The following PAM variants were observed in gnomAD, a reference collection of about 807,000 sequenced individuals.
PAM encodes peptidylglycine alpha-amidating monooxygenase.
A neutral mutation model predicts 122.1 loss-of-function variants in PAM; 72 were observed. The ratio of observed to expected loss-of-function variants is 0.59; its 90% confidence interval spans 0.49 to 0.72. The LOEUF is 0.72. PAM is among the 30% of genes least tolerant of loss of function. The pLI, the probability that PAM is intolerant of heterozygous loss-of-function variation, is 0.00. For missense variants in PAM, 1,106 were observed against 1,183.7 expected (o/e 0.93, Z 0.96); for synonymous variants, 389 against 404.4 (o/e 0.96, Z 0.46).
intron 14 of PAM, among the ~76,000 whole-genome samples, chr5:102,971,480 A>G (rs1352744797): frequency 1.3e-5 from 2 of 152,198 alleles, no homozygotes; most frequent in Non-Finnish European, 2.9e-5. Flanking sequence ...CCAGAGTGCT[A>G]TAGGTGCACC....
At chr5:102,969,026 G>A (rs548735362) in intron 14 of PAM, among the ~76,000 whole-genome samples, 1 of 152,214 alleles carries the variant, frequency 6.6e-6, no homozygotes, top group African/African-American at 2.4e-5. Context: ...CTCATAAGTG[G>A]GAGGTGAACA....
chr5:102,786,757 T>C (rs190059024), intron 1 of PAM, among the ~76,000 whole-genome samples: 2 of 152,280 alleles, frequency 1.3e-5, no homozygotes, highest in East Asian at 3.9e-4. Context: ...ACTTCATTCA[T>C]CATTCTGAGC....
chr5:102,799,634 C>T (rs1764190180), intron 1 of PAM, among the ~76,000 whole-genome samples: 1 of 152,180 alleles, frequency 6.6e-6, no homozygotes, highest in South Asian at 2.1e-4. Context: ...TGAACAAAAA[C>T]TGCCAGTTCC....
intron 1 of PAM, among the ~76,000 whole-genome samples, chr5:102,791,492 A>G (rs1464938960): frequency 4.6e-5 from 7 of 151,792 alleles, no homozygotes. Flanking sequence ...ACATGTGGTT[A>G]CTCTGTTGAT....
At chr5:102,845,487 G>A (rs1030823309) in intron 1 of PAM, among the ~76,000 whole-genome samples, 3 of 152,120 alleles carry the variant, frequency 2.0e-5, no homozygotes, top group Middle Eastern at 3.2e-3. Flanking sequence ...CTACATTCAT[G>A]TGTAAGGAAA....
chr5:102,855,549 T>G (rs1396762310), intron 1 of PAM, among the ~76,000 whole-genome samples: 4 of 152,182 alleles, frequency 2.6e-5, no homozygotes, highest in Non-Finnish European at 5.9e-5. Context: ...TCCTATAGAC[T>G]TTTAAAGAAA....
At chr5:102,755,388 T>A (rs1749803079) in intron 1 of PAM, 40 bp downstream of exon 1, 1 of 151,706 alleles carries the variant, frequency 6.6e-6, no homozygotes, top group South Asian at 2.1e-4. Context: ...TGCGAGGCGG[T>A]CAGGGCAAGG....
intron 1 of PAM, among the ~76,000 whole-genome samples, chr5:102,831,728 A>G (rs553289617): frequency 6.6e-6 from 1 of 152,168 alleles, no homozygotes; most frequent in East Asian, 1.9e-4. Flanking sequence ...AATGATGATT[A>G]CTCTGCCTCC....
intron 16 of PAM, among the ~76,000 whole-genome samples, chr5:102,995,294 G>A (rs1312147791): frequency 1.3e-5 from 2 of 152,004 alleles, no homozygotes; most frequent in East Asian, 3.9e-4. Flanking sequence ...TTCTCATATC[G>A]CAATTTCACA....
chr5:102,794,694 A>C (rs914817265), intron 1 of PAM, among the ~76,000 whole-genome samples: 1 of 152,348 alleles, frequency 6.6e-6, no homozygotes, highest in South Asian at 2.1e-4. Context: ...AGCTTAAAAA[A>C]TATAGAACAT....
chr5:102,892,162 C>T lies in PAM; in HGVS notation c.211-9194C>T, dbSNP rs974584921. Among the ~76,000 whole-genome samples the T allele has an allele frequency of 2.0e-5, 3 of 151,872 alleles. No individual in the cohort carries two copies. In the South Asian group the frequency reaches 6.2e-4, roughly 31 times the overall value. ...GGACCTTAAGGAAGAGACTTTCCCT[C>T]CCCTAGCCTTTGGAAATTGCATTGG... On this transcript the variant is annotated intron_variant, in intron 3 of 25. Transcript: ENST00000438793.
chr5:102,867,058 A>G (rs1785811993), intron 2 of PAM, among the ~76,000 whole-genome samples: 1 of 152,194 alleles, frequency 6.6e-6, no homozygotes, highest in Non-Finnish European at 1.5e-5. Context: ...TGCATTGGTT[A>G]TATTTTATTT....
intron 7 of PAM, among the ~76,000 whole-genome samples, chr5:102,938,017 C>A (rs563199862): frequency 2.8e-4 from 42 of 152,124 alleles, no homozygotes; most frequent in Non-Finnish European, 5.1e-4. Context: ...GCTTGATAAT[C>A]CCACTGATTT....
intron 1 of PAM, among the ~76,000 whole-genome samples, chr5:102,782,719 CTCTCTCTGTGTGTGTGTGTG>C (rs1325877983): frequency 1.4e-5 from 2 of 146,038 alleles, no homozygotes; most frequent in African/African-American, 2.7e-5. Context: ...CTCTCTCTCT[CTCTCTCTGTGTGTGTGTGTG>C]TGTGTGTGTG....
intron 6 of PAM, 73 bp downstream of exon 6, chr5:102,925,115 G>C (rs1748970667): frequency 7.4e-6 from 6 of 815,020 alleles, no homozygotes; most frequent in Non-Finnish European, 1.3e-5. Context: ...TTTCATTATA[G>C]TCCTTTCTAA....
At chr5:102,868,129 A>C (rs1299887071) in intron 3 of PAM, among the ~76,000 whole-genome samples, 2 of 152,186 alleles carry the variant, frequency 1.3e-5, no homozygotes, top group African/African-American at 4.8e-5. Context: ...CAGTGCAGGG[A>C]TTTATGTGTG....
At chr5:102,936,042 CAAA>C (rs1753140206) in intron 7 of PAM, among the ~76,000 whole-genome samples, 1 of 152,080 alleles carries the variant, frequency 6.6e-6, no homozygotes, top group African/African-American at 2.4e-5. Context: ...AAGAAATACT[CAAA>C]AATCTTTATT....
At chr5:102,762,327 A>G (rs1752578206) in intron 1 of PAM, among the ~76,000 whole-genome samples, 1 of 152,196 alleles carries the variant, frequency 6.6e-6, no homozygotes, top group Admixed American at 6.5e-5. Context: ...GTATTTCTGA[A>G]GATCAGAATT....
At chr5:102,954,461 G>T (rs1017013496) in intron 12 of PAM, among the ~76,000 whole-genome samples, 1 of 151,546 alleles carries the variant, frequency 6.6e-6, no homozygotes, top group African/African-American at 2.4e-5. Context: ...TACTTTAAAA[G>T]TAGGTATATT....
Sources: allele counts gnomAD v4.1 joint callset (sites outside exome capture counted in the v4.1 genomes callset), GRCh38; gene constraint gnomAD v4.1.1; transcripts MANE v1.5; gene names NCBI Gene and HGNC (gene_info 2026-07-23, HGNC 2026-07-21).